Variants in FGGY observed in about 807,000 individuals in gnomAD.
FGGY encodes FGGY carbohydrate kinase domain-containing protein.
In FGGY, 72 loss-of-function variants were observed where a neutral mutation model predicts 71.3. That is an observed-to-expected ratio of 1.01 (90% CI 0.84 to 1.23). The LOEUF (loss-of-function observed/expected upper bound fraction) is 1.23. Among genes scored for constraint, FGGY ranks in the 50% most tolerant of loss-of-function variants. FGGY has a pLI of 0.00. For synonymous variants in FGGY, 251 were observed against 250.3 expected, an observed-to-expected ratio of 1.00 and a Z score of -0.02; for missense variants, 668 against 682.3, an observed-to-expected ratio of 0.98 and a Z score of 0.23.
intron 9 of FGGY, among the ~76,000 whole-genome samples, chr1:59,610,539 A>T (rs2096665027): frequency 6.6e-6 from 1 of 152,224 alleles, no homozygotes; most frequent in African/African-American, 2.4e-5. Flanking sequence ...ACAGAGTTCC[A>T]AGATGGCCGA....
intron 2 of FGGY, among the ~76,000 whole-genome samples, chr1:59,324,645 A>G (rs563675721): frequency 6.6e-6 from 1 of 152,284 alleles, no homozygotes; most frequent in Non-Finnish European, 1.5e-5. Flanking sequence ...TGAGCTTTGA[A>G]GAGGTTCAGT....
intron 2 of FGGY, among the ~76,000 whole-genome samples, chr1:59,334,639 G>T (rs893106021): frequency 6.6e-6 from 1 of 152,006 alleles, no homozygotes; most frequent in Non-Finnish European, 1.5e-5. Flanking sequence ...GCTCTTGTTT[G>T]AGGAACATGT....
At chr1:59,357,474 A>G (rs373459277) in intron 4 of FGGY, among the ~76,000 whole-genome samples, 2 of 152,216 alleles carry the variant, frequency 1.3e-5, no homozygotes, top group Non-Finnish European at 2.9e-5. Context: ...ACAAGCCTCA[A>G]AGAAATGAAA....
chr1:59,325,435 C>T (rs2047257238), intron 2 of FGGY, among the ~76,000 whole-genome samples: 1 of 152,174 alleles, frequency 6.6e-6, no homozygotes, highest in East Asian at 1.9e-4. Flanking sequence ...TCCTTGGTGA[C>T]TTCTGACAGT....
rs2153981336 is a variant in FGGY, at chr1:59,675,212, C to G, written c.1512+1079C>G. 2.6e-5 allele frequency among the ~76,000 whole-genome samples: 4 copies of G among 151,870 alleles called. No individual in the cohort carries two copies. The South Asian group carries it at 8.3e-4, about 32-fold the overall frequency. ...AAGCAGCAGAGTCCAAATGACTTGC[C>G]CATGGTCTCAAGCTTAGGACTACAA... is the stretch of plus-strand genomic sequence containing the variant. On this transcript the variant is annotated intron_variant, in intron 14 of 15. Coordinates refer to ENST00000303721, the MANE Select transcript of FGGY (RefSeq NM_018291.5).
chr1:59,739,025 G>T (rs1382746993), intron 14 of FGGY, among the ~76,000 whole-genome samples: 1 of 152,196 alleles, frequency 6.6e-6, no homozygotes, highest in Non-Finnish European at 1.5e-5. Flanking sequence ...CTGCCTTGAA[G>T]GGAGACCAGA....
At chr1:59,681,644 G>GT (rs1261700641) in intron 14 of FGGY, among the ~76,000 whole-genome samples, 2 of 151,950 alleles carry the variant, frequency 1.3e-5, no homozygotes, top group Admixed American at 6.6e-5. Flanking sequence ...CTAGAAATAG[G>GT]TTTTTTTTCT....
At chr1:59,725,688 T>G (rs1301919006) in intron 14 of FGGY, among the ~76,000 whole-genome samples, 2 of 152,118 alleles carry the variant, frequency 1.3e-5, no homozygotes, top group Non-Finnish European at 2.9e-5. Flanking sequence ...CAAATTCCAT[T>G]TTTTCCTCAA....
chr1:59,721,877 C>T (rs2097899922), intron 14 of FGGY, among the ~76,000 whole-genome samples: 1 of 152,196 alleles, frequency 6.6e-6, no homozygotes, highest in South Asian at 2.1e-4. Context: ...TCAACATTCA[C>T]AGACTTCTGC....
intron 9 of FGGY, among the ~76,000 whole-genome samples, chr1:59,614,134 C>G (rs1463797967): frequency 6.6e-6 from 1 of 152,174 alleles, no homozygotes; most frequent in Non-Finnish European, 1.5e-5. Context: ...GGGAATCCTC[C>G]CTAACTCATT....
At chr1:59,476,772 C>T (rs1289773713) in intron 6 of FGGY, among the ~76,000 whole-genome samples, 1 of 152,216 alleles carries the variant, frequency 6.6e-6, no homozygotes, top group Non-Finnish European at 1.5e-5. Flanking sequence ...ACATTCCCTT[C>T]CTCAGTGCTG....
chr1:59,322,739 A>G (rs182678487), intron 2 of FGGY, among the ~76,000 whole-genome samples: 31 of 152,282 alleles, frequency 2.0e-4, no homozygotes, highest in Non-Finnish European at 3.7e-4. Flanking sequence ...AAGGAAAGCA[A>G]TGCTTCACAA....
At chr1:59,616,682 G>A (rs2096758690) in intron 9 of FGGY, among the ~76,000 whole-genome samples, 1 of 151,914 alleles carries the variant, frequency 6.6e-6, no homozygotes, top group Non-Finnish European at 1.5e-5. Flanking sequence ...TGTAATAATT[G>A]TAGCTTACTG....
At chr1:59,358,445 A>G (rs890560763) in intron 4 of FGGY, among the ~76,000 whole-genome samples, 9 of 152,148 alleles carry the variant, frequency 5.9e-5, no homozygotes, top group African/African-American at 2.2e-4. Flanking sequence ...AGGAATTCCC[A>G]TATCTAGTAC....
At chr1:59,591,986 A>G (rs1380470835) in intron 8 of FGGY, among the ~76,000 whole-genome samples, 4 of 152,208 alleles carry the variant, frequency 2.6e-5, no homozygotes, top group East Asian at 3.8e-4. Context: ...AGAAACTACC[A>G]TCAGACTGAA....
chr1:59,502,102 G>A lies in FGGY; in HGVS notation c.671-10209G>A, dbSNP rs145565941. On this transcript the variant is annotated intron_variant, in intron 6 of 15. Transcript: ENST00000303721. The stretch of plus-strand genomic sequence containing the variant: ...TAGCCTTTTTACAGGTGAGGAAACC[G>A]TTGCAGGGAAGTTAAATCACTTGCC... Among the ~76,000 whole-genome samples the A allele has an allele frequency of 3.9e-3, 595 of 152,286 alleles. 6 individuals are homozygous for A. Among genetic ancestry groups the A allele is most frequent in the African/African-American group, 0.013 (559 of 41,564 alleles).
chr1:59,424,920 T>C (rs1411593636), intron 5 of FGGY, among the ~76,000 whole-genome samples: 3 of 152,224 alleles, frequency 2.0e-5, no homozygotes, highest in Non-Finnish European at 2.9e-5. Context: ...GCTTTACTCT[T>C]CAGAGAGTCA....
intron 14 of FGGY, among the ~76,000 whole-genome samples, chr1:59,711,905 T>C (rs572363748): frequency 6.6e-6 from 1 of 152,232 alleles, no homozygotes; most frequent in South Asian, 2.1e-4. Flanking sequence ...CCAAATCTCA[T>C]GTCCTCACAT....
At chr1:59,592,653 G>A (rs1299206449) in intron 8 of FGGY, among the ~76,000 whole-genome samples, 1 of 152,026 alleles carries the variant, frequency 6.6e-6, no homozygotes, top group African/African-American at 2.4e-5. Context: ...GATGAAATTG[G>A]AAATCATTAT....
Sources: allele counts gnomAD v4.1 joint callset (sites outside exome capture counted in the v4.1 genomes callset), GRCh38; gene constraint gnomAD v4.1.1; transcripts MANE v1.5; gene names NCBI Gene and HGNC (gene_info 2026-07-23, HGNC 2026-07-21).